Variants in RBM23 observed in about 807,000 individuals in gnomAD.
The protein encoded by RBM23 is RNA binding motif protein 23.
RBM23 carries 53 observed loss-of-function variants against 56.2 expected under a neutral mutation model. The ratio of observed to expected loss-of-function variants is 0.94; its 90% CI spans 0.76 to 1.19. The LOEUF is 1.19. Among genes scored for constraint, RBM23 ranks in the 50% most tolerant of loss-of-function variants. RBM23 has a pLI of 0.00. For missense variants in RBM23, 642 were observed against 590.3 expected, an observed-to-expected ratio of 1.09 and a Z score of -0.91; for synonymous variants, 197 against 198.5, an observed-to-expected ratio of 0.99 and a Z score of 0.06.
chr14:22,908,338 C>T lies in RBM23; in HGVS notation c.222G>A (p.Lys74=), dbSNP rs952121912. The change falls in exon 4 of 14, where the codon AAG becomes AAA. Residue 74 remains lysine, a synonymous_variant. Coordinates refer to ENST00000359890, the MANE Select transcript of RBM23 (RefSeq NM_001077351.2). ...SRSHNKSRDR[K]RSRSRDRDRY... is the part of the protein sequence containing the mutation. The stretch of plus-strand genomic sequence containing the variant: ...CCTGGCCCAGAATTACTGACCTGCG[C>T]TTTCTATCCCTGCTTTTATTATGGC... The T allele has an allele frequency of 5.1e-5, 79 of 1,549,690 alleles. No homozygotes were observed. Among genetic ancestry groups the T allele is most frequent in the Middle Eastern group, 5.0e-4 (3 of 6,010 alleles).
At chr14:22,909,632 G>T in intron 2 of RBM23, 37 bp from the exon 3 acceptor site, 1 of 1,517,594 alleles carries the variant, frequency 6.6e-7, no homozygotes, top group Non-Finnish European at 9.1e-7. Flanking sequence ...CAAGGTATAA[G>T]GTGGCAGACA....
chr14:22,911,230 G>C, intron 2 of RBM23, 98 bp downstream of exon 2: 1 of 954,624 alleles, frequency 1.0e-6, no homozygotes, highest in Admixed American at 1.9e-5. Context: ...TAAATAAGCA[G>C]GGAAAGAGGA....
In RBM23 at chr14:22,902,083, C is replaced by T; in HGVS notation, c.1143G>A (p.Leu381=). 6.2e-7 allele frequency: 1 copy of T among 1,609,722 alleles called. No homozygotes were observed. The highest frequency in any genetic ancestry group is 8.5e-7 in the Non-Finnish European group (1 of 1,177,464). Reference sequence around the variant, plus strand: ...CAGCAGCAGCAGCAGCAGTGCTTGGCAGTTGGATTCCAGCGCCTAAAAGGA... The same window carrying T: ...CAGCAGCAGCAGCAGCAGTGCTTGGTAGTTGGATTCCAGCGCCTAAAAGGA... ...AKLAEGAGIQ[L]PSTAAAAAAA... The change falls in exon 12 of 14, where the codon CTG becomes CTA. Residue 381 remains leucine (L), a synonymous_variant. Coordinates refer to ENST00000359890, the MANE Select transcript of RBM23 (RefSeq NM_001077351.2).
chr14:22,907,099 G>A (rs2041702776), intron 4 of RBM23, among the ~76,000 whole-genome samples: 1 of 152,266 alleles, frequency 6.6e-6, no homozygotes, highest in East Asian at 1.9e-4. Flanking sequence ...TCTTAAACCT[G>A]GGAGGCGGAG....
chr14:22,908,251 C>G, intron 4 of RBM23, 82 bp downstream of exon 4: 3 of 1,477,568 alleles, frequency 2.0e-6, no homozygotes, highest in Non-Finnish European at 2.7e-6. Flanking sequence ...GAACTCCTGG[C>G]CTGAAGTGAT....
rs1398392830 is a variant in RBM23 at position 22,896,082 on chromosome 14, A to G, written c.*5648T>C. 1 of 152,184 alleles carries G rather than the reference A, an allele frequency of 6.6e-6. No homozygotes were observed. The highest frequency in any genetic ancestry group is 1.9e-4 in the East Asian group (1 of 5,206). The allele number at this position is 152,184 out of a possible 1,614,324, so 9.4% of individuals were successfully genotyped here. Reference sequence around the variant, plus strand: ...CATTGCACTGCCCTTGCTTTTCCCCATAAACCTTGAGCTCTAAAGTTGGGG... The same window carrying G: ...CATTGCACTGCCCTTGCTTTTCCCCGTAAACCTTGAGCTCTAAAGTTGGGG... On this transcript the variant is annotated 3_prime_UTR_variant, in exon 14 of 14. Coordinates refer to ENST00000359890, the MANE Select transcript of RBM23 (RefSeq NM_001077351.2).
At position 22,900,590 on chromosome 14, in the gene RBM23, C is replaced by G. The variant is rs183803380; in HGVS notation, c.*1140G>C. 6.6e-6 allele frequency: 1 copy of G among 152,106 alleles called. No individual in the cohort carries two copies. The highest frequency in any genetic ancestry group is 1.5e-5 in the Non-Finnish European group (1 of 68,018). 9.4% of individuals were successfully genotyped at this position (152,106 alleles called of 1,614,324 possible). A position where few individuals can be genotyped will look rare whatever the true frequency, so the allele number is the denominator to read the frequency against. ...ATGCAGATACAGAATGGGAACCCCA[C>G]CCAGGTGTGAGTTTTCATTTTTCTT... is the stretch of plus-strand genomic sequence containing the variant. On this transcript the variant is annotated 3_prime_UTR_variant, in exon 14 of 14. Transcript: ENST00000359890.
At chr14:22,904,438 C>T in intron 9 of RBM23, 112 bp from the exon 10 acceptor site, 7 of 884,232 alleles carry the variant, frequency 7.9e-6, no homozygotes. Flanking sequence ...AAAAGTCTCA[C>T]CCACTCCAGC....
At chr14:22,902,543 A>C in intron 10 of RBM23, 161 bp from the exon 11 acceptor site, 2 of 1,345,206 alleles carry the variant, frequency 1.5e-6, no homozygotes, top group African/African-American at 1.5e-5. Context: ...TCACCTCAAA[A>C]TGGTTCTCTG....
rs1033748402 is a variant in RBM23, at chr14:22,901,619, C to T, written c.*111G>A. 3.4e-6 allele frequency: 5 copies of T among 1,469,030 alleles called. No individual in the cohort carries two copies. The highest frequency in any genetic ancestry group is 4.7e-6 in the Non-Finnish European group (5 of 1,054,334). 91.0% of individuals were successfully genotyped at this position (1,469,030 alleles called of 1,614,324 possible). The stretch of plus-strand genomic sequence containing the variant: ...CCCCAATTTCCTCAGAGACAATGTC[C>T]ATGCCCTCAGGATGGCTTGGTCCAC... On this transcript the variant is annotated 3_prime_UTR_variant, in exon 14 of 14. Transcript: ENST00000359890.
chr14:22,914,686 CTG>C (rs1594416679), intron 1 of RBM23, among the ~76,000 whole-genome samples: 2 of 151,834 alleles, frequency 1.3e-5, no homozygotes, highest in East Asian at 3.9e-4. Context: ...TTTTTCATAA[CTG>C]TAAGAACTTT....
At chr14:22,904,019 G>C (rs887144038) in intron 10 of RBM23, 1 of 1,443,152 alleles carries the variant, frequency 6.9e-7, no homozygotes, top group East Asian at 2.7e-5. Flanking sequence ...TGCAGCACCA[G>C]GGAAGCTGGG....
Position 22,905,377 on chromosome 14 carries a change from GA to G in RBM23, c.531del (p.Arg178GlyfsTer12). 1 of 1,614,096 alleles carries G rather than the reference GA, an allele frequency of 6.2e-7. No individual in the cohort carries two copies. Among genetic ancestry groups the G allele is most frequent in the Non-Finnish European group, 8.5e-7 (1 of 1,180,030 alleles). On this transcript the variant is annotated frameshift_variant, in exon 7 of 14. Coordinates refer to ENST00000359890, the MANE Select transcript of RBM23 (RefSeq NM_001077351.2). LOFTEE classifies it high-confidence loss of function. ...TVFCMQLAAR[I>X]RPRDLEDFFS... is the part of the protein sequence containing the mutation. ...AAAAAGTCCTCCAGATCTCGAGGCC[GA>G]ATTCGGGCAGCTAACTGCATACAGA...
intron 1 of RBM23, among the ~76,000 whole-genome samples, chr14:22,912,413 C>A (rs1333346463): frequency 2.6e-5 from 4 of 152,164 alleles, no homozygotes; most frequent in Non-Finnish European, 4.4e-5. Flanking sequence ...CTCGACTAAT[C>A]CCATCTTGAA....
In RBM23 at chr14:22,896,511, C is replaced by T. The variant is rs551839496; in HGVS notation, c.*5219G>A. 4 of 152,294 alleles carry T rather than the reference C, an allele frequency of 2.6e-5. No homozygotes were observed. In the East Asian group the frequency reaches 5.8e-4, roughly 22 times the overall value. The allele number at this position is 152,294 out of a possible 1,614,324, so 9.4% of individuals were successfully genotyped here. ...AACATTGGCAAGTTTGACGGGTCTC[C>T]GATTTCCAAGGTCATTGTTTCTCCT... On this transcript the variant is annotated 3_prime_UTR_variant, in exon 14 of 14. Coordinates refer to ENST00000359890, the MANE Select transcript of RBM23 (RefSeq NM_001077351.2).
At chr14:22,902,682 T>TA (rs2040773720) in intron 10 of RBM23, 1 of 1,076,274 alleles carries the variant, frequency 9.3e-7, no homozygotes, top group African/African-American at 1.7e-5. Context: ...CAAATGGGTA[T>TA]ATCAAATGGA....
chr14:22,908,499 C>T (rs2041948708), intron 3 of RBM23, 119 bp from the exon 4 acceptor site: 1 of 1,104,234 alleles, frequency 9.1e-7, no homozygotes. Flanking sequence ...TTCAAGCGAT[C>T]CTCATGCCTT....
chr14:22,905,588 T>C lies in RBM23; in HGVS notation c.455+18A>G, dbSNP rs773429249. The stretch of plus-strand genomic sequence containing the variant: ...TCATACCTCACAATCCCTAAAACAG[T>C]GTTCATTATCAACCCACCTGACTGG... On this transcript the variant is annotated intron_variant, in intron 6 of 13. Coordinates refer to ENST00000359890, the MANE Select transcript of RBM23 (RefSeq NM_001077351.2). 1 of 1,608,438 alleles carries C rather than the reference T, an allele frequency of 6.2e-7. No individual in the cohort carries two copies. Among genetic ancestry groups the C allele is most frequent in the South Asian group, 1.1e-5 (1 of 90,988 alleles).
chr14:22,901,020 G>A lies in RBM23; in HGVS notation c.*710C>T, dbSNP rs2040422884. 1 of 152,180 alleles carries A rather than the reference G, an allele frequency of 6.6e-6. No individual in the cohort carries two copies. Among genetic ancestry groups the A allele is most frequent in the South Asian group, 2.1e-4 (1 of 4,828 alleles). 9.4% of individuals were successfully genotyped at this position (152,180 alleles called of 1,614,324 possible). ...ATACAAAGGAAGATGGAAGATACTG[G>A]AAAGGCATACTCCACCTTTTACTAA... On this transcript the variant is annotated 3_prime_UTR_variant, in exon 14 of 14. Transcript: ENST00000359890.
Sources: allele counts gnomAD v4.1 joint callset (sites outside exome capture counted in the v4.1 genomes callset), GRCh38; gene constraint gnomAD v4.1.1; transcripts MANE v1.5; gene names NCBI Gene and HGNC (gene_info 2026-07-23, HGNC 2026-07-21).